Variants in NREP observed in about 807,000 individuals in gnomAD.
NREP encodes neuronal regeneration related protein.
In NREP, 5 loss-of-function variants were observed where a neutral mutation model predicts 8.6. The observed-to-expected ratio is 0.58, with a 90% CI of 0.30 to 1.22. The LOEUF is 1.22. Among genes scored for constraint, NREP ranks in the 50% most tolerant of loss-of-function variants. NREP has a pLI of 0.07. For synonymous variants in NREP, 27 were observed against 28.0 expected (o/e 0.96, Z 0.11); for missense variants, 86 against 82.5 (o/e 1.04, Z -0.17).
chr5:111,783,015 G>T (rs1021424486), intron 2 of NREP, among the ~76,000 whole-genome samples: 4 of 152,076 alleles, frequency 2.6e-5, no homozygotes, highest in African/African-American at 7.2e-5. Context: ...TTACAGGTGT[G>T]AGTCACTGTG....
chr5:111,881,931 C>G (rs1048612555), intron 2 of NREP, among the ~76,000 whole-genome samples: 1 of 152,216 alleles, frequency 6.6e-6, no homozygotes, highest in African/African-American at 2.4e-5. Flanking sequence ...ACCTCTCCTC[C>G]TCCAAAGGAT....
At chr5:111,743,339 T>C (rs77302430) in intron 2 of NREP, among the ~76,000 whole-genome samples, 1,761 of 152,262 alleles carry the variant, frequency 0.012, 14 homozygotes, top group Middle Eastern at 0.031. Flanking sequence ...CATAAGCTTT[T>C]CTTTGCCCCT....
At chr5:111,875,962 G>A (rs948988134) in intron 2 of NREP, among the ~76,000 whole-genome samples, 1 of 152,184 alleles carries the variant, frequency 6.6e-6, no homozygotes, top group Admixed American at 6.5e-5. Flanking sequence ...TGAGCTGGTG[G>A]GGAGGCGGTG....
intron 2 of NREP, among the ~76,000 whole-genome samples, chr5:111,871,603 C>T (rs993361874): frequency 1.3e-5 from 2 of 151,964 alleles, no homozygotes; most frequent in African/African-American, 2.4e-5. Flanking sequence ...AAGCTTAAAA[C>T]ACAAACACAT....
chr5:111,847,430 A>G (rs1413308578), intron 2 of NREP, among the ~76,000 whole-genome samples: 1 of 152,192 alleles, frequency 6.6e-6, no homozygotes, highest in Admixed American at 6.5e-5. Context: ...ATTTCCAAAT[A>G]CCATCACATT....
At chr5:111,826,122 T>C (rs1752617926) in intron 2 of NREP, among the ~76,000 whole-genome samples, 1 of 152,132 alleles carries the variant, frequency 6.6e-6, no homozygotes, top group South Asian at 2.1e-4. Flanking sequence ...ACGTGGGGAC[T>C]TGGAGAACTT....
intron 2 of NREP, among the ~76,000 whole-genome samples, chr5:111,886,986 A>G (rs1055702914): frequency 1.3e-5 from 2 of 149,000 alleles, no homozygotes; most frequent in East Asian, 3.9e-4. Flanking sequence ...AATAAAATAA[A>G]AAATAGAAAA....
At chr5:111,936,857 C>T (rs1451427903) in intron 2 of NREP, among the ~76,000 whole-genome samples, 1 of 152,016 alleles carries the variant, frequency 6.6e-6, no homozygotes, top group Non-Finnish European at 1.5e-5. Context: ...CAGCTCTAGG[C>T]CATCTAGGTG....
intron 2 of NREP, among the ~76,000 whole-genome samples, chr5:111,797,950 AC>A (rs1218647452): frequency 6.6e-6 from 1 of 152,128 alleles, no homozygotes; most frequent in Admixed American, 6.5e-5. Context: ...TGATAAGAAA[AC>A]CCACCAAATC....
At chr5:111,800,821 T>C (rs1417875205) in intron 2 of NREP, among the ~76,000 whole-genome samples, 1 of 152,248 alleles carries the variant, frequency 6.6e-6, no homozygotes, top group Non-Finnish European at 1.5e-5. Flanking sequence ...CATTTTTTTA[T>C]ATAACCAGGT....
At chr5:111,895,455 A>T (rs1561715526) in intron 2 of NREP, among the ~76,000 whole-genome samples, 1 of 152,200 alleles carries the variant, frequency 6.6e-6, no homozygotes, top group Non-Finnish European at 1.5e-5. Flanking sequence ...TTTCAGTGCC[A>T]TGGAAAAAAA....
intron 2 of NREP, among the ~76,000 whole-genome samples, chr5:111,823,908 A>T (rs1411055562): frequency 1.3e-5 from 2 of 152,222 alleles, no homozygotes; most frequent in Non-Finnish European, 2.9e-5. Context: ...ATGTATTTTT[A>T]GGTATTTTAC....
At chr5:111,771,121 T>C (rs1751208985) in intron 2 of NREP, among the ~76,000 whole-genome samples, 1 of 152,204 alleles carries the variant, frequency 6.6e-6, no homozygotes, top group South Asian at 2.1e-4. Flanking sequence ...ATTGATACTT[T>C]ATTTAGAAAT....
intron 2 of NREP, among the ~76,000 whole-genome samples, chr5:111,794,383 A>T (rs1299195111): frequency 6.6e-6 from 1 of 152,212 alleles, no homozygotes; most frequent in African/African-American, 2.4e-5. Context: ...GTTCATATTA[A>T]CAGCACTTTA....
intron 2 of NREP, among the ~76,000 whole-genome samples, chr5:111,902,440 T>C (rs1754669037): frequency 6.6e-6 from 1 of 152,180 alleles, no homozygotes; most frequent in Non-Finnish European, 1.5e-5. Flanking sequence ...ATCAAGATTC[T>C]GAAGTATTTT....
chr5:111,804,609 G>A (rs976717382), intron 2 of NREP, among the ~76,000 whole-genome samples: 2 of 152,052 alleles, frequency 1.3e-5, no homozygotes, highest in African/African-American at 2.4e-5. Context: ...CAGGTAAATT[G>A]GGAGACATAT....
At chr5:111,915,423 T>TA (rs893997176) in intron 2 of NREP, among the ~76,000 whole-genome samples, 32 of 151,616 alleles carry the variant, frequency 2.1e-4, no homozygotes, top group African/African-American at 6.5e-4. Context: ...CAGCTCACAT[T>TA]AAAAAAAAGG....
chr5:111,799,779 T>C (rs1220645457), intron 2 of NREP, among the ~76,000 whole-genome samples: 1 of 152,234 alleles, frequency 6.6e-6, no homozygotes, highest in Non-Finnish European at 1.5e-5. Flanking sequence ...ACTTCAGAAA[T>C]TATTTGTAAC....
At chr5:111,748,952 G>A (rs1198043910) in intron 2 of NREP, among the ~76,000 whole-genome samples, 1 of 152,142 alleles carries the variant, frequency 6.6e-6, no homozygotes, top group Non-Finnish European at 1.5e-5. Flanking sequence ...CCTGCTGAAT[G>A]TACTATGGTG....
Sources: gnomAD v4.1 joint callset for allele counts (sites outside exome capture counted in the v4.1 genomes callset) on GRCh38, gnomAD v4.1.1 for gene constraint, MANE v1.5 for transcripts, NCBI Gene and HGNC (gene_info 2026-07-23, HGNC 2026-07-21) for gene names.